The following WDR35 variants were observed in gnomAD, a reference collection of about 807,000 sequenced individuals.
The protein encoded by WDR35 is WD repeat domain 35.
In WDR35, 118 loss-of-function variants were observed where a neutral mutation model predicts 158.3. The observed-to-expected ratio is 0.75, with a 90% CI of 0.64 to 0.87. The LOEUF (loss-of-function observed/expected upper bound fraction) is 0.87. WDR35 is among the 40% of genes least tolerant of loss of function. The probability of loss-of-function intolerance (pLI) is 0.00; values close to 1 mark genes in which losing one functional copy is unlikely to be tolerated. For missense variants in WDR35, 1,263 were observed against 1,405.8 expected, an observed-to-expected ratio of 0.90 and a Z score of 1.62; for synonymous variants, 448 against 476.1, an observed-to-expected ratio of 0.94 and a Z score of 0.77.
At chr2:19,914,958 G>C (rs1669948550) in intron 25 of WDR35, among the ~76,000 whole-genome samples, 1 of 151,928 alleles carries the variant, frequency 6.6e-6, no homozygotes, top group African/African-American at 2.4e-5. Context: ...CTAGGGGAGG[G>C]ATAGCATTAG....
At chr2:19,978,195 GACACACACACAC>G (rs3039208) in intron 5 of WDR35, among the ~76,000 whole-genome samples, 2 of 146,704 alleles carry the variant, frequency 1.4e-5, no homozygotes, top group East Asian at 4.0e-4. Context: ...CACACACACA[GACACACACACAC>G]ACACACACAC....
chr2:19,925,955 A>G (rs1670342063), intron 25 of WDR35, among the ~76,000 whole-genome samples: 1 of 152,248 alleles, frequency 6.6e-6, no homozygotes, highest in South Asian at 2.1e-4. Context: ...AGATAAGCCA[A>G]TTTGGATAGA....
intron 16 of WDR35, among the ~76,000 whole-genome samples, chr2:19,944,562 C>T (rs191299465): frequency 6.4e-4 from 98 of 152,238 alleles, no homozygotes; most frequent in African/African-American, 2.1e-3. Flanking sequence ...CAAATTCCCA[C>T]AATTGTTTTG....
At chr2:19,964,112 G>A (rs1166391269) in intron 10 of WDR35, among the ~76,000 whole-genome samples, 2 of 152,152 alleles carry the variant, frequency 1.3e-5, no homozygotes, top group African/African-American at 2.4e-5. Context: ...AACCATTGCT[G>A]TTGACAAATA....
At chr2:19,959,028 A>G (rs1671544616) in intron 11 of WDR35, among the ~76,000 whole-genome samples, 1 of 152,146 alleles carries the variant, frequency 6.6e-6, no homozygotes, top group Non-Finnish European at 1.5e-5. Context: ...AACATTTGGC[A>G]TAGAAACTTT....
intron 25 of WDR35, among the ~76,000 whole-genome samples, chr2:19,923,952 T>G (rs1572314437): frequency 1.3e-5 from 2 of 152,220 alleles, no homozygotes; most frequent in Admixed American, 1.3e-4. Flanking sequence ...TTACTCAGGC[T>G]TGTCTAACTC....
At chr2:19,931,209 CT>C (rs373398942) in intron 24 of WDR35, 59 bp downstream of exon 24, 57,093 of 1,126,792 alleles carry the variant, frequency 0.051, no homozygotes, top group South Asian at 0.059. Context: ...TTAATAGTTT[CT>C]TTTTTTTTTT....
Position 19,984,099 on chromosome 2 carries a change from T to C in WDR35, c.143-1565A>G, listed in dbSNP as rs1204554711. On this transcript the variant is annotated intron_variant, in intron 2 of 26. Coordinates refer to ENST00000281405, the MANE Select transcript of WDR35 (RefSeq NM_020779.4). ...ACTATAACCTAAGTGAAATGGGTCA[T>C]ATGAGATTTAGATTGACCACCCATG... is the stretch of plus-strand genomic sequence containing the variant. Among the ~76,000 whole-genome samples, 8 of 150,744 alleles carry C rather than the reference T, an allele frequency of 5.3e-5. 1 individual carries two copies. Among genetic ancestry groups the C allele is most frequent in the African/African-American group, 2.0e-4 (8 of 40,920 alleles).
At chr2:19,948,100 C>T (rs1368007085) in intron 14 of WDR35, 64 bp downstream of exon 14, 3 of 1,355,168 alleles carry the variant, frequency 2.2e-6, no homozygotes, top group African/African-American at 2.9e-5. Context: ...ACACACCTGG[C>T]TCCTACCATA....
At chr2:19,948,579 A>ACAG (rs1446042034) in intron 13 of WDR35, among the ~76,000 whole-genome samples, 1 of 152,160 alleles carries the variant, frequency 6.6e-6, no homozygotes. Context: ...AGAGAAACAG[A>ACAG]CAGCAGAAGG....
At position 19,911,648 on chromosome 2, in the gene WDR35, C is replaced by T. The variant is rs1669837092; in HGVS notation, c.*1910G>A. The T allele has an allele frequency of 6.6e-6, 1 of 152,124 alleles. No individual in the cohort carries two copies. The highest frequency in any genetic ancestry group is 1.5e-5 in the Non-Finnish European group (1 of 68,034). The allele number at this position is 152,124 out of a possible 1,614,324, so 9.4% of individuals were successfully genotyped here. ...GTAAGTAAGTTAGTAACCTAGGAGA[C>T]TTATTAGGCAAAGTTAATAGAGCGT... is the stretch of plus-strand genomic sequence containing the variant. On this transcript the variant is annotated 3_prime_UTR_variant, in exon 27 of 27. Transcript: ENST00000281405.
chr2:19,944,281 C>T (rs965431553), intron 16 of WDR35, among the ~76,000 whole-genome samples: 5 of 152,052 alleles, frequency 3.3e-5, no homozygotes, highest in African/African-American at 1.2e-4. Flanking sequence ...AACCAGAAAA[C>T]AAATTCAAAT....
Position 19,972,686 on chromosome 2 carries a change from C to CA in WDR35, c.882+876dup, listed in dbSNP as rs1473316084. 2.0e-5 allele frequency among the ~76,000 whole-genome samples: 3 copies of CA among 151,944 alleles called. No homozygotes were observed. The East Asian group carries it at 5.8e-4, about 29-fold the overall frequency. On this transcript the variant is annotated intron_variant, in intron 8 of 26. Transcript: ENST00000281405. Reference sequence around the variant, plus strand: ...ATACTGATTCAAAAGCATCAGAAGACATCATTTCTTGCCCTAAAAGAAATT... The same window carrying CA: ...ATACTGATTCAAAAGCATCAGAAGACAATCATTTCTTGCCCTAAAAGAAATT...
At chr2:19,966,942 A>G in intron 9 of WDR35, 33 bp from the exon 10 acceptor site, 2 of 1,600,174 alleles carry the variant, frequency 1.2e-6, no homozygotes, top group Admixed American at 1.7e-5. Flanking sequence ...AGGGAAGGAG[A>G]TTGAAAGGGA....
Position 19,910,887 on chromosome 2 carries a change from G to C in WDR35, c.*2671C>G, listed in dbSNP as rs1264951677. ...CTTTCACAGATATAGATACCAAAGA[G>C]GCATAAGCTTTTACAAAAGTAAAAA... On this transcript the variant is annotated 3_prime_UTR_variant, in exon 27 of 27. Coordinates refer to ENST00000281405, the MANE Select transcript of WDR35 (RefSeq NM_020779.4). 1.3e-5 allele frequency: 2 copies of C among 152,106 alleles called. No homozygotes were observed. The highest frequency in any genetic ancestry group is 4.8e-5 in the African/African-American group (2 of 41,414). 9.4% of individuals were successfully genotyped at this position (152,106 alleles called of 1,614,324 possible). A position where few individuals can be genotyped will look rare whatever the true frequency, so the allele number is the denominator to read the frequency against.
Position 19,911,522 on chromosome 2 carries a change from A to C in WDR35, c.*2036T>G, listed in dbSNP as rs553074223. ...AGTTCAACAGGAGATGTACTGTCTT[A>C]GACAGACTTCTTTGTTAGGATGTGA... On this transcript the variant is annotated 3_prime_UTR_variant, in exon 27 of 27. Transcript: ENST00000281405. 5 of 151,900 alleles carry C rather than the reference A, an allele frequency of 3.3e-5. No homozygotes were observed. Among genetic ancestry groups the C allele is most frequent in the African/African-American group, 1.2e-4 (5 of 41,562 alleles). 9.4% of individuals were successfully genotyped at this position (151,900 alleles called of 1,614,324 possible).
At position 19,934,138 on chromosome 2, in the gene WDR35, G is replaced by A. The variant is rs1670617709; in HGVS notation, c.2548-627C>T. Among the ~76,000 whole-genome samples the A allele has an allele frequency of 7.0e-6, 1 of 143,508 alleles. No homozygotes were observed. Among genetic ancestry groups the A allele is most frequent in the Admixed American group, 7.4e-5 (1 of 13,522 alleles). 94.1% of individuals were successfully genotyped at this position (143,508 alleles called of 152,430 possible). A position where few individuals can be genotyped will look rare whatever the true frequency, so the allele number is the denominator to read the frequency against. On this transcript the variant is annotated intron_variant, in intron 21 of 26. Coordinates refer to ENST00000281405, the MANE Select transcript of WDR35 (RefSeq NM_020779.4). The surrounding 1 kb of genome is among the most constrained non-coding windows in gnomAD (Gnocchi z 4.6). ...TCAGAACATCATTTTTTTTCTTTCA[G>A]AATATCTAATTAGCCAGAGGTTTTC...
Position 19,919,396 on chromosome 2 carries a change from A to G in WDR35, c.3122-5119T>C, listed in dbSNP as rs1311763622. On this transcript the variant is annotated intron_variant, in intron 25 of 26. Transcript: ENST00000281405. ...GCTCCATCTCAAAAAAAAAAAAAAA[A>G]AAGAAAAGAAAAAGAAAAAGAAAAA... 9.7e-4 allele frequency among the ~76,000 whole-genome samples: 122 copies of G among 125,492 alleles called. 1 individual carries two copies. The highest frequency in any genetic ancestry group is 1.2e-3 in the Non-Finnish European group (71 of 57,588). The allele number at this position is 125,492 out of a possible 152,430, so 82.3% of individuals were successfully genotyped here.
chr2:19,941,864 G>C, intron 16 of WDR35, 25 bp from the exon 17 acceptor site: 1 of 1,479,442 alleles, frequency 6.8e-7, no homozygotes, highest in South Asian at 1.2e-5. Flanking sequence ...AAAAAGTTAT[G>C]TTTCATTATG....
Sources: allele counts gnomAD v4.1 joint callset (sites outside exome capture counted in the v4.1 genomes callset), GRCh38; gene constraint gnomAD v4.1.1; non-coding constraint Gnocchi (gnomAD v3.1); transcripts MANE v1.5; gene names NCBI Gene and HGNC (gene_info 2026-07-23, HGNC 2026-07-21).